The following GRM7 variants were observed in gnomAD, a reference collection of about 807,000 sequenced individuals.
GRM7 encodes metabotropic glutamate receptor 7.
Under a neutral mutation model 84.5 loss-of-function variants are expected in GRM7, and 35 were observed. The ratio of observed to expected loss-of-function variants is 0.41; its 90% CI spans 0.32 to 0.55. The LOEUF is 0.55. Among genes scored for constraint, GRM7 ranks in the 20% least tolerant of loss-of-function variants. The probability of loss-of-function intolerance (pLI) is 0.19; values close to 1 mark genes in which losing one functional copy is unlikely to be tolerated. For synonymous variants in GRM7, 487 were observed against 455.1 expected, an observed-to-expected ratio of 1.07 and a Z score of -0.89; for missense variants, 1,003 against 1,194.6, an observed-to-expected ratio of 0.84 and a Z score of 2.36.
intron 9 of GRM7, among the ~76,000 whole-genome samples, chr3:7,683,638 G>A (rs141594595): frequency 3.9e-5 from 6 of 152,330 alleles, no homozygotes; most frequent in Admixed American, 1.3e-4. Flanking sequence ...CTGCAGTGAC[G>A]ATCATGTTTT....
intron 8 of GRM7, among the ~76,000 whole-genome samples, chr3:7,674,999 C>T (rs1244193211): frequency 1.3e-5 from 2 of 152,140 alleles, no homozygotes; most frequent in African/African-American, 4.8e-5. Flanking sequence ...CATTAACATC[C>T]CCTAAACCAA....
chr3:7,318,047 C>G (rs893234495), intron 4 of GRM7, among the ~76,000 whole-genome samples: 2 of 151,920 alleles, frequency 1.3e-5, no homozygotes, highest in Non-Finnish European at 2.9e-5. Context: ...AAAAATAAAT[C>G]TACAAACCGA....
chr3:7,354,079 TAA>T (rs146126106), intron 4 of GRM7, among the ~76,000 whole-genome samples: 20,590 of 152,080 alleles, frequency 0.14, 1,762 homozygotes, highest in African/African-American at 0.24. Flanking sequence ...ATCCCTGGAA[TAA>T]AAGAGAAGCC....
At chr3:6,869,682 C>G (rs551854076) in intron 1 of GRM7, among the ~76,000 whole-genome samples, 1 of 152,132 alleles carries the variant, frequency 6.6e-6, no homozygotes, top group African/African-American at 2.4e-5. Flanking sequence ...ATAACACACA[C>G]ACACGTGCAC....
At chr3:7,279,639 C>A (rs144203729) in intron 2 of GRM7, among the ~76,000 whole-genome samples, 2 of 152,120 alleles carry the variant, frequency 1.3e-5, no homozygotes, top group East Asian at 1.9e-4. Context: ...CACCAAACAG[C>A]CCTACAATAA....
chr3:7,352,063 A>AC (rs771822450), intron 4 of GRM7, among the ~76,000 whole-genome samples: 41 of 84,174 alleles, frequency 4.9e-4, no homozygotes, highest in African/African-American at 1.4e-3. Context: ...CACACCACAC[A>AC]CACACACACA....
chr3:7,284,825 A>C (rs1233574704), intron 2 of GRM7, among the ~76,000 whole-genome samples: 1 of 152,138 alleles, frequency 6.6e-6, no homozygotes, highest in Non-Finnish European at 1.5e-5. Context: ...ATATTACAAA[A>C]GTATTTTCAA....
At chr3:7,557,269 A>C (rs1693811518) in intron 7 of GRM7, among the ~76,000 whole-genome samples, 1 of 152,138 alleles carries the variant, frequency 6.6e-6, no homozygotes, top group South Asian at 2.1e-4. Context: ...TAAAATCAGT[A>C]AGACTTGGTC....
intron 1 of GRM7, among the ~76,000 whole-genome samples, chr3:7,071,128 G>T (rs1458669845): frequency 6.6e-6 from 1 of 152,022 alleles, no homozygotes; most frequent in Non-Finnish European, 1.5e-5. Context: ...CTAGAGTCAA[G>T]CTCATCAGGG....
chr3:7,708,081 T>G (rs1701449716), intron 9 of GRM7, among the ~76,000 whole-genome samples: 1 of 151,946 alleles, frequency 6.6e-6, no homozygotes, highest in African/African-American at 2.4e-5. Context: ...ATTATAGGAT[T>G]TTACAGGATA....
intron 1 of GRM7, among the ~76,000 whole-genome samples, chr3:6,965,945 A>C (rs1168535104): frequency 6.6e-6 from 1 of 152,130 alleles, no homozygotes; most frequent in African/African-American, 2.4e-5. Flanking sequence ...CACACCAAAA[A>C]GAAACGGTGT....
intron 9 of GRM7, among the ~76,000 whole-genome samples, chr3:7,713,176 A>C (rs1036514160): frequency 3.3e-5 from 4 of 120,668 alleles, no homozygotes; most frequent in African/African-American, 1.3e-4. Context: ...TTTGTCACCC[A>C]GGCTGGAGTG....
At chr3:7,501,829 G>C (rs936053182) in intron 7 of GRM7, among the ~76,000 whole-genome samples, 11 of 152,114 alleles carry the variant, frequency 7.2e-5, no homozygotes, top group African/African-American at 2.7e-4. Context: ...TAAACAATTG[G>C]AAACAGTTTG....
intron 1 of GRM7, among the ~76,000 whole-genome samples, chr3:6,932,714 T>C (rs894270189): frequency 7.2e-5 from 11 of 151,750 alleles, no homozygotes; most frequent in Admixed American, 1.3e-4. Flanking sequence ...TGGAATTTTT[T>C]GTTTTGTTTA....
At chr3:6,914,640 A>T (rs190024991) in intron 1 of GRM7, among the ~76,000 whole-genome samples, 9 of 152,232 alleles carry the variant, frequency 5.9e-5, no homozygotes, top group African/African-American at 2.2e-4. Context: ...AGACCTCATG[A>T]TCCACCTGCC....
At chr3:7,532,978 A>C (rs1205469691) in intron 7 of GRM7, among the ~76,000 whole-genome samples, 1 of 152,118 alleles carries the variant, frequency 6.6e-6, no homozygotes, top group Admixed American at 6.6e-5. Context: ...CCCCCAGTAC[A>C]GGAGCACCCA....
intron 9 of GRM7, among the ~76,000 whole-genome samples, chr3:7,718,346 T>C (rs1000724369): frequency 1.3e-5 from 2 of 152,108 alleles, no homozygotes; most frequent in Non-Finnish European, 2.9e-5. Context: ...CATTCTTCCT[T>C]CCCCTGTATA....
intron 9 of GRM7, among the ~76,000 whole-genome samples, chr3:7,696,732 G>C (rs1478634002): frequency 6.6e-6 from 1 of 152,148 alleles, no homozygotes; most frequent in Non-Finnish European, 1.5e-5. Context: ...TCTGACAGTT[G>C]CTTTGTAAAT....
At chr3:7,387,303 T>C (rs1456372228) in intron 4 of GRM7, among the ~76,000 whole-genome samples, 1 of 152,156 alleles carries the variant, frequency 6.6e-6, no homozygotes, top group Non-Finnish European at 1.5e-5. Context: ...TTAAGTCCCA[T>C]TTGTCTATTT....
Sources: gnomAD v4.1 joint callset for allele counts (sites outside exome capture counted in the v4.1 genomes callset) on GRCh38, gnomAD v4.1.1 for gene constraint, MANE v1.5 for transcripts, NCBI Gene and HGNC (gene_info 2026-07-23, HGNC 2026-07-21) for gene names.